The following SGCG variants were observed in gnomAD, a reference collection of about 807,000 sequenced individuals.
SGCG encodes sarcoglycan gamma, also known as gamma-sarcoglycan.
In SGCG, 26 loss-of-function variants were observed where a neutral mutation model predicts 29.3. That is an observed-to-expected ratio of 0.89 (90% CI 0.65 to 1.23). SGCG has a LOEUF of 1.23. Ranked by LOEUF, SGCG falls within the 50% of genes most tolerant of loss-of-function variation. The pLI, the probability that SGCG is intolerant of heterozygous loss-of-function variation, is 0.00. For synonymous variants in SGCG, 145 were observed against 129.7 expected (o/e 1.12, Z -0.80); for missense variants, 353 against 356.0 (o/e 0.99, Z 0.07).
intron 5 of SGCG, among the ~76,000 whole-genome samples, chr13:23,280,150 C>T (rs1242058455): frequency 2.0e-5 from 3 of 152,060 alleles, no homozygotes; most frequent in African/African-American, 7.2e-5. Flanking sequence ...ACTTGAATTA[C>T]TCATATTTCT....
intron 2 of SGCG, among the ~76,000 whole-genome samples, chr13:23,219,827 CTTTTTTTTTTT>C (rs1184090222): frequency 4.3e-4 from 43 of 99,234 alleles, no homozygotes; most frequent in South Asian, 7.9e-4. Flanking sequence ...ATTTCTTTTC[CTTTTTTTTTTT>C]TTTTTTTTTT....
At chr13:23,257,442 T>C (rs545428692) in intron 4 of SGCG, among the ~76,000 whole-genome samples, 1 of 152,094 alleles carries the variant, frequency 6.6e-6, no homozygotes, top group South Asian at 2.1e-4. Context: ...GGTGGGCATT[T>C]AGTGCTGTAA....
At chr13:23,313,513 A>G (rs1386669296) in intron 6 of SGCG, among the ~76,000 whole-genome samples, 2 of 152,198 alleles carry the variant, frequency 1.3e-5, no homozygotes, top group Admixed American at 1.3e-4. Context: ...AATAACTATT[A>G]AGGTCATACA....
chr13:23,316,443 A>AT lies in SGCG; in HGVS notation c.579-4193dup, dbSNP rs549197210. Among the ~76,000 whole-genome samples the AT allele has an allele frequency of 1.5e-3, 235 of 152,310 alleles. 2 individuals carry two copies. Among genetic ancestry groups the AT allele is most frequent in the Admixed American group, 0.014 (220 of 15,296 alleles). On this transcript the variant is annotated intron_variant, in intron 6 of 7. Coordinates refer to ENST00000218867, the MANE Select transcript of SGCG (RefSeq NM_000231.3). ...GCTCATGGAATTCACTGGTCTTACC[A>AT]TGTTCCCCATCATCCTGAAGCAGCT... is the stretch of plus-strand genomic sequence containing the variant.
intron 4 of SGCG, among the ~76,000 whole-genome samples, chr13:23,260,863 C>A (rs1880404174): frequency 6.6e-6 from 1 of 152,016 alleles, no homozygotes; most frequent in Admixed American, 6.6e-5. Context: ...GAATATTGGC[C>A]CCCACACTCT....
chr13:23,273,186 C>CTT (rs10556974), intron 4 of SGCG, among the ~76,000 whole-genome samples: 1 of 145,674 alleles, frequency 6.9e-6, no homozygotes, highest in African/African-American at 2.5e-5. Flanking sequence ...GAACTTAGTT[C>CTT]TTTTTTTTTT....
Position 23,266,218 on chromosome 13 carries a change from G to A in SGCG, c.386-13141G>A, listed in dbSNP as rs567278245. 4.0e-5 allele frequency among the ~76,000 whole-genome samples: 6 copies of A among 151,378 alleles called. No individual in the cohort carries two copies. In the South Asian group the frequency reaches 1.2e-3, roughly 32 times the overall value. On this transcript the variant is annotated intron_variant, in intron 4 of 7. Coordinates refer to ENST00000218867, the MANE Select transcript of SGCG (RefSeq NM_000231.3). ...ACCTGGGAGGTGGAGGTTGCAGTGAGCCGAGATCACGCCACTGCACTCCAG... is the reference window on the plus strand; with the variant it reads ...ACCTGGGAGGTGGAGGTTGCAGTGAACCGAGATCACGCCACTGCACTCCAG...
chr13:23,282,713 CT>C (rs67138957), intron 5 of SGCG, among the ~76,000 whole-genome samples: 65,774 of 151,952 alleles, frequency 0.43, 15,055 homozygotes, highest in Middle Eastern at 0.65. Context: ...TTTATCCAGT[CT>C]GTTACTGATG....
chr13:23,280,460 C>G (rs1377005064), intron 5 of SGCG, among the ~76,000 whole-genome samples: 1 of 152,180 alleles, frequency 6.6e-6, no homozygotes, highest in Non-Finnish European at 1.5e-5. Context: ...CAGGCCCTAA[C>G]AAACTATAAA....
the SGCG span, among the ~76,000 whole-genome samples, chr13:23,167,429 G>A: frequency 6.6e-6 from 1 of 152,160 alleles, no homozygotes; most frequent in African/African-American, 2.4e-5. Context: ...ACCCAGCGGT[G>A]GGATTGCTGA....
chr13:23,193,278 G>C (rs1169783465), intron 1 of SGCG, among the ~76,000 whole-genome samples: 1 of 152,222 alleles, frequency 6.6e-6, no homozygotes, highest in Non-Finnish European at 1.5e-5. Context: ...GGACCAGATG[G>C]AGTGAAGCTT....
Position 23,324,641 on chromosome 13 carries a change from G to T in SGCG, c.*100G>T, listed in dbSNP as rs1279587939. On this transcript the variant is annotated 3_prime_UTR_variant, in exon 8 of 8. Transcript: ENST00000218867. ...TGAAAGACTGAGGCAGCGTGGATGGGAAGTAAACGCTTCCAGAGGAACTCA... is the reference window on the plus strand; with the variant it reads ...TGAAAGACTGAGGCAGCGTGGATGGTAAGTAAACGCTTCCAGAGGAACTCA... 1.1e-5 allele frequency: 12 copies of T among 1,056,254 alleles called. No individual in the cohort carries two copies. The East Asian group carries it at 2.5e-4, about 22-fold the overall frequency. 65.4% of individuals were successfully genotyped at this position (1,056,254 alleles called of 1,614,324 possible). A position where few individuals can be genotyped will look rare whatever the true frequency, so the allele number is the denominator to read the frequency against.
chr13:23,212,764 G>A (rs1011277658), intron 2 of SGCG, among the ~76,000 whole-genome samples: 6 of 152,144 alleles, frequency 3.9e-5, no homozygotes, highest in African/African-American at 1.4e-4. Flanking sequence ...AGAGAGGCTG[G>A]TGGATTGGGT....
chr13:23,322,812 C>G (rs1257007486), intron 7 of SGCG, among the ~76,000 whole-genome samples: 1 of 135,692 alleles, frequency 7.4e-6, no homozygotes, highest in Non-Finnish European at 1.6e-5. Flanking sequence ...AACGTGGTGC[C>G]GCGGGCAGAG....
chr13:23,279,729 T>TCCTTCCTTCCTTCCTTCCTTCCTTC (rs1190683399), intron 5 of SGCG, among the ~76,000 whole-genome samples: 18 of 151,672 alleles, frequency 1.2e-4, no homozygotes, highest in Admixed American at 3.3e-4. Flanking sequence ...CTCCCTTCCT[T>TCCTTCCTTCCTTCCTTCCTTCCTTC]CTTTTTTTTT....
At chr13:23,176,688 C>A (rs1012089679), upstream of SGCG, among the ~76,000 whole-genome samples, 25 of 152,202 alleles carry the variant, frequency 1.6e-4, no homozygotes, top group Middle Eastern at 3.4e-3. Flanking sequence ...CATTCAGCCA[C>A]ACTATACCTT....
At chr13:23,261,874 A>G (rs941510618) in intron 4 of SGCG, among the ~76,000 whole-genome samples, 1 of 151,684 alleles carries the variant, frequency 6.6e-6, no homozygotes, top group African/African-American at 2.4e-5. Context: ...AAAGAGAACA[A>G]CTGTCAGCCA....
chr13:23,229,796 C>T (rs1879036357), intron 2 of SGCG, among the ~76,000 whole-genome samples: 1 of 152,194 alleles, frequency 6.6e-6, no homozygotes, highest in African/African-American at 2.4e-5. Context: ...AATGAGGCCT[C>T]ATTTGTCAAT....
At chr13:23,175,440 C>T in the SGCG span, among the ~76,000 whole-genome samples, 1 of 152,170 alleles carries the variant, frequency 6.6e-6, no homozygotes, top group Non-Finnish European at 1.5e-5. Context: ...GCACACATCA[C>T]ACTTACATTC....
Sources: gnomAD v4.1 joint callset for allele counts (sites outside exome capture counted in the v4.1 genomes callset) on GRCh38, gnomAD v4.1.1 for gene constraint, MANE v1.5 for transcripts, NCBI Gene and HGNC (gene_info 2026-07-23, HGNC 2026-07-21) for gene names.